GRK3: variants seen among roughly 807,000 people sequenced by gnomAD.
GRK3 encodes G protein-coupled receptor kinase 3.
Under a neutral mutation model 95.7 loss-of-function variants are expected in GRK3, and 54 were observed. That is an observed-to-expected ratio of 0.56 (90% CI 0.45 to 0.71). GRK3 has a LOEUF of 0.71. Ranked by LOEUF, GRK3 falls within the 30% of genes least tolerant of loss-of-function variation. The probability of loss-of-function intolerance (pLI) is 0.00; values close to 1 mark genes in which losing one functional copy is unlikely to be tolerated. For synonymous variants in GRK3, 281 were observed against 290.8 expected (o/e 0.97, Z 0.34); for missense variants, 649 against 851.2 (o/e 0.76, Z 2.96).
At chr22:25,570,976 C>T (rs1272373342) in intron 1 of GRK3, among the ~76,000 whole-genome samples, 1 of 152,086 alleles carries the variant, frequency 6.6e-6, no homozygotes, top group Non-Finnish European at 1.5e-5. Context: ...GAGCCCATGG[C>T]GAATGCAGTG....
chr22:25,566,465 C>T (rs1178526297), intron 1 of GRK3, among the ~76,000 whole-genome samples: 1 of 152,144 alleles, frequency 6.6e-6, no homozygotes, highest in Admixed American at 6.5e-5. Flanking sequence ...CTAAATTGTG[C>T]AAATGAAGAC....
At chr22:25,721,704 A>G (rs1357857225) in intron 20 of GRK3, among the ~76,000 whole-genome samples, 6 of 152,178 alleles carry the variant, frequency 3.9e-5, no homozygotes, top group Non-Finnish European at 8.8e-5. Flanking sequence ...TTCGATGTTA[A>G]GGTTTATATA....
chr22:25,670,881 C>CAAAAAAA (rs71191074), intron 6 of GRK3, among the ~76,000 whole-genome samples: 9 of 65,682 alleles, frequency 1.4e-4, no homozygotes, highest in East Asian at 4.0e-4. Context: ...ACTAAAAATA[C>CAAAAAAA]AAAAAAAAAA....
At chr22:25,692,916 G>C (rs1202663533) in intron 12 of GRK3, among the ~76,000 whole-genome samples, 1 of 152,228 alleles carries the variant, frequency 6.6e-6, no homozygotes, top group African/African-American at 2.4e-5. Flanking sequence ...TGGTTTCTCA[G>C]ATCTTTTCAA....
chr22:25,707,812 G>T (rs2085311726), intron 15 of GRK3, among the ~76,000 whole-genome samples: 1 of 152,130 alleles, frequency 6.6e-6, no homozygotes, highest in Non-Finnish European at 1.5e-5. Flanking sequence ...AGGTGGGCAG[G>T]ACTAGAGGTC....
At position 25,646,794 on chromosome 22, in the gene GRK3, G is replaced by A. The variant is rs887674324; in HGVS notation, c.264+2129G>A. On this transcript the variant is annotated intron_variant, in intron 3 of 20. Transcript: ENST00000324198. The stretch of plus-strand genomic sequence containing the variant: ...TCCCAGCACTTTGAGAGGCCAAGGC[G>A]GGTGGATCACGAGGTCAGGAGTTCA... Among the ~76,000 whole-genome samples the A allele has an allele frequency of 4.6e-5, 7 of 152,012 alleles. No homozygotes were observed. In the South Asian group the frequency reaches 1.2e-3, roughly 27 times the overall value.
chr22:25,663,732 AGAT>A, intron 5 of GRK3, 28 bp downstream of exon 5: 1 of 1,504,966 alleles, frequency 6.6e-7, no homozygotes, highest in Non-Finnish European at 9.2e-7. Context: ...CAAAATAAAT[AGAT>A]AATATTTGCT....
In GRK3 at chr22:25,595,388, T is replaced by A. The variant is rs181024745; in HGVS notation, c.114-8989T>A. On this transcript the variant is annotated intron_variant, in intron 1 of 20. Transcript: ENST00000324198. ...GTTCAAGCTGAGAGCCAAATTAAAA[T>A]GCAGTCCCATTTACAGTAGCTGCAC... Among the ~76,000 whole-genome samples, 5 of 152,306 alleles carry A rather than the reference T, an allele frequency of 3.3e-5. No individual in the cohort carries two copies. In the East Asian group the frequency reaches 9.6e-4, roughly 29 times the overall value.
intron 2 of GRK3, among the ~76,000 whole-genome samples, chr22:25,609,390 GGTACAATCT>G (rs2084478110): frequency 6.6e-6 from 1 of 151,644 alleles, no homozygotes; most frequent in African/African-American, 2.4e-5. Context: ...GGAGTACAGT[GGTACAATCT>G]TGGCTCACTG....
intron 8 of GRK3, among the ~76,000 whole-genome samples, chr22:25,677,152 G>A (rs2085036334): frequency 6.6e-6 from 1 of 152,140 alleles, no homozygotes; most frequent in Admixed American, 6.5e-5. Flanking sequence ...CTTGAGGACA[G>A]GAGTTCGAGA....
At chr22:25,658,404 T>C (rs2084887683) in intron 3 of GRK3, among the ~76,000 whole-genome samples, 1 of 152,244 alleles carries the variant, frequency 6.6e-6, no homozygotes, top group African/African-American at 2.4e-5. Flanking sequence ...TGGTGGAAGA[T>C]GAATCTTGTT....
intron 2 of GRK3, among the ~76,000 whole-genome samples, chr22:25,641,733 G>A (rs1049555158): frequency 3.3e-5 from 5 of 151,512 alleles, no homozygotes; most frequent in Admixed American, 6.6e-5. Flanking sequence ...GGGAATAGCC[G>A]GTAAGAAACC....
intron 19 of GRK3, among the ~76,000 whole-genome samples, chr22:25,720,415 G>A (rs1434103961): frequency 6.7e-6 from 1 of 148,852 alleles, no homozygotes; most frequent in Non-Finnish European, 1.5e-5. Flanking sequence ...ACCGTAAGAC[G>A]CTAAGGAACT....
intron 2 of GRK3, among the ~76,000 whole-genome samples, chr22:25,629,329 G>C (rs1194981127): frequency 2.0e-5 from 3 of 152,128 alleles, no homozygotes; most frequent in Admixed American, 6.5e-5. Flanking sequence ...GTGAAGAGAG[G>C]GTGGCTGCCG....
Position 25,710,489 on chromosome 22 carries a change from G to A in GRK3, c.1395+525G>A, listed in dbSNP as rs553336209. ...TTATTTTAAGCTTCATTATATTTGC[G>A]TTGATACAGGAAACACCCCAAATTC... On this transcript the variant is annotated intron_variant, in intron 16 of 20. Coordinates refer to ENST00000324198, the MANE Select transcript of GRK3 (RefSeq NM_005160.4). Among the ~76,000 whole-genome samples, 102 of 152,142 alleles carry A rather than the reference G, an allele frequency of 6.7e-4. 1 individual carries two copies. In the Middle Eastern group the frequency reaches 0.01, roughly 15 times the overall value.
chr22:25,612,526 G>A (rs1490809894), intron 2 of GRK3, among the ~76,000 whole-genome samples: 1 of 152,050 alleles, frequency 6.6e-6, no homozygotes, highest in Non-Finnish European at 1.5e-5. Flanking sequence ...GTGTTTGTGT[G>A]TGTGTGTGTA....
chr22:25,672,572 G>A (rs916121230), intron 7 of GRK3, among the ~76,000 whole-genome samples: 2 of 152,130 alleles, frequency 1.3e-5, no homozygotes, highest in Admixed American at 1.3e-4. Flanking sequence ...GCTTGTTTAT[G>A]TAAGATATTT....
rs571958103 is a variant in GRK3, at chr22:25,724,688, C to G, written c.*2238C>G. 1 of 152,092 alleles carries G rather than the reference C, an allele frequency of 6.6e-6. No homozygotes were observed. Among genetic ancestry groups the G allele is most frequent in the Non-Finnish European group, 1.5e-5 (1 of 68,018 alleles). The allele number at this position is 152,092 out of a possible 1,614,324, so 9.4% of individuals were successfully genotyped here. ...GACTAGATTGAGCTGTTTCTGAGGG[C>G]GGTCACCAGTTGTGTTGGGGTCTGG... On this transcript the variant is annotated 3_prime_UTR_variant, in exon 21 of 21. Coordinates refer to ENST00000324198, the MANE Select transcript of GRK3 (RefSeq NM_005160.4).
At chr22:25,661,520 A>C in intron 3 of GRK3, 56 bp from the exon 4 acceptor site, 1 of 1,197,604 alleles carries the variant, frequency 8.4e-7, no homozygotes, top group Middle Eastern at 2.7e-4. Context: ...ATATATTTTA[A>C]TAAGGCAAGT....
Sources: allele counts gnomAD v4.1 joint callset (sites outside exome capture counted in the v4.1 genomes callset), GRCh38; gene constraint gnomAD v4.1.1; transcripts MANE v1.5; gene names NCBI Gene and HGNC (gene_info 2026-07-23, HGNC 2026-07-21).